GGACT: variants seen among roughly 807,000 people sequenced by gnomAD.
The protein encoded by GGACT is gamma-glutamylamine cyclotransferase, also known as gamma-glutamylaminecyclotransferase.
For synonymous variants in GGACT, 118 were observed against 115.3 expected (o/e 1.02, Z -0.15); for missense variants, 241 against 233.2 (o/e 1.03, Z -0.22).
intron 2 of GGACT, among the ~76,000 whole-genome samples, chr13:100,578,016 A>G (rs1020892370): frequency 1.3e-5 from 2 of 152,194 alleles, no homozygotes; most frequent in Non-Finnish European, 2.9e-5. Flanking sequence ...CACAACTAAA[A>G]TATCAGAAGG....
chr13:100,532,268 C>T lies in GGACT; in HGVS notation c.324G>A (p.Pro108=), dbSNP rs922695581. 6.5e-7 allele frequency: 1 copy of T among 1,531,556 alleles called. No homozygotes were observed. Among genetic ancestry groups the T allele is most frequent in the African/African-American group, 1.4e-5 (1 of 72,716 alleles). 94.9% of individuals were successfully genotyped at this position (1,531,556 alleles called of 1,614,324 possible). Residue 108 remains proline, a synonymous_variant, in exon 3 of 3, where the codon CCG becomes CCA. Transcript: ENST00000683975. ...LEDRAPGAEE[P]PAPTAVQCFV... Reference sequence around the variant, plus strand: ...AGCACTGCACCGCGGTGGGCGCTGGCGGCTCCTCTGCGCCCGGGGCCCGGT... The same window carrying T: ...AGCACTGCACCGCGGTGGGCGCTGGTGGCTCCTCTGCGCCCGGGGCCCGGT...
intron 2 of GGACT, among the ~76,000 whole-genome samples, chr13:100,564,215 C>A (rs184204834): frequency 6.6e-6 from 1 of 152,302 alleles, no homozygotes; most frequent in Admixed American, 6.5e-5. Flanking sequence ...GGTGATTACC[C>A]TTTGGGAAAA....
chr13:100,540,668 G>T (rs1434525205), intron 2 of GGACT, among the ~76,000 whole-genome samples: 2 of 152,058 alleles, frequency 1.3e-5, no homozygotes, highest in African/African-American at 4.8e-5. Flanking sequence ...CTAGCTTTGG[G>T]TTTTGTTTGT....
intron 2 of GGACT, among the ~76,000 whole-genome samples, chr13:100,549,748 G>T (rs1407243796): frequency 6.6e-6 from 1 of 152,122 alleles, no homozygotes; most frequent in Non-Finnish European, 1.5e-5. Flanking sequence ...AGCCAGAGGT[G>T]GCAGATAAAA....
At position 100,532,348 on chromosome 13, in the gene GGACT, C is replaced by G. The variant is rs767501771; in HGVS notation, c.244G>C (p.Glu82Gln). 1.3e-6 allele frequency: 2 copies of G among 1,550,494 alleles called. No individual in the cohort carries two copies. The highest frequency in any genetic ancestry group is 1.7e-6 in the Non-Finnish European group (2 of 1,146,610). ...CGCTGGTACAGGGCCGGGCAACTCT[C>G]GAAGTCATCCAGAAAGCGCAGCATC... Reference protein sequence around the residue: ...ERMLRFLDDFESCPALYQRTV... With the variant: ...ERMLRFLDDFQSCPALYQRTV... Residue 82 changes from glutamate to glutamine, a missense_variant, in exon 3 of 3, where the codon GAG (glutamate) becomes CAG (glutamine). Physicochemically the swap from Glu to Gln is conservative, Grantham distance 29 (BLOSUM62 2). Transcript: ENST00000683975.
chr13:100,559,430 A>AC, intron 2 of GGACT, among the ~76,000 whole-genome samples: 1 of 151,848 alleles, frequency 6.6e-6, no homozygotes, highest in South Asian at 2.1e-4. Context: ...CAGGTGATCT[A>AC]CCCCCCTCGG....
At chr13:100,533,984 A>G (rs1449711831) in intron 2 of GGACT, among the ~76,000 whole-genome samples, 2 of 152,238 alleles carry the variant, frequency 1.3e-5, no homozygotes, top group African/African-American at 4.8e-5. Context: ...GCTATCCAGG[A>G]AACAGCAGCG....
intron 1 of GGACT, among the ~76,000 whole-genome samples, chr13:100,585,404 G>A (rs1487988772): frequency 6.6e-6 from 1 of 152,182 alleles, no homozygotes; most frequent in African/African-American, 2.4e-5. Context: ...AGAGACCATA[G>A]GGCCTGCAAA....
intron 2 of GGACT, among the ~76,000 whole-genome samples, chr13:100,555,727 A>C (rs867404986): frequency 1.1e-4 from 16 of 152,162 alleles, no homozygotes; most frequent in African/African-American, 1.7e-4. Context: ...ATAAACATAA[A>C]TGTAAGAGTC....
chr13:100,555,541 A>T (rs898450462), intron 2 of GGACT, among the ~76,000 whole-genome samples: 3 of 151,770 alleles, frequency 2.0e-5, no homozygotes, highest in Non-Finnish European at 4.4e-5. Flanking sequence ...GGTTTTTTTT[A>T]AAAAGAAAAA....
intron 2 of GGACT, among the ~76,000 whole-genome samples, chr13:100,566,809 C>T (rs567797028): frequency 1.2e-4 from 18 of 152,350 alleles, no homozygotes; most frequent in African/African-American, 3.1e-4. Flanking sequence ...ACTAAGTTTA[C>T]CACCTTCTCG....
intron 2 of GGACT, among the ~76,000 whole-genome samples, chr13:100,549,907 A>C (rs557499708): frequency 2.0e-5 from 3 of 152,228 alleles, no homozygotes; most frequent in Non-Finnish European, 4.4e-5. Context: ...AAAAGCATAG[A>C]ATTCAAAATT....
At chr13:100,537,849 A>G (rs985791898) in intron 2 of GGACT, 1 of 152,338 alleles carries the variant, frequency 6.6e-6, no homozygotes, top group Non-Finnish European at 1.5e-5. Context: ...GGTACTCAGC[A>G]CGCAATGGTC....
intron 2 of GGACT, among the ~76,000 whole-genome samples, chr13:100,556,170 C>CAGAA (rs1386552159): frequency 6.6e-6 from 1 of 152,194 alleles, no homozygotes; most frequent in Non-Finnish European, 1.5e-5. Flanking sequence ...GCATACACTT[C>CAGAA]AGAAAGAAAG....
At chr13:100,571,857 C>A (rs1166942690) in intron 2 of GGACT, among the ~76,000 whole-genome samples, 2 of 152,168 alleles carry the variant, frequency 1.3e-5, no homozygotes, top group Non-Finnish European at 2.9e-5. Context: ...GGATAAATCA[C>A]AGAACTACAA....
At chr13:100,540,331 T>G (rs1182602996) in intron 2 of GGACT, 1 of 748,592 alleles carries the variant, frequency 1.3e-6, no homozygotes, top group Non-Finnish European at 2.4e-6. Flanking sequence ...TTACTAGTTG[T>G]AGGTCTGTTC....
intron 2 of GGACT, among the ~76,000 whole-genome samples, chr13:100,572,398 G>A (rs192736342): frequency 1.4e-4 from 22 of 152,278 alleles, no homozygotes; most frequent in Non-Finnish European, 2.9e-4. Flanking sequence ...GCTGGGGGAC[G>A]GGGAAAATGG....
At chr13:100,572,016 T>G (rs1875096762) in intron 2 of GGACT, among the ~76,000 whole-genome samples, 1 of 152,226 alleles carries the variant, frequency 6.6e-6, no homozygotes, top group Non-Finnish European at 1.5e-5. Flanking sequence ...ATTATGAAAT[T>G]TAACCTTTTG....
In GGACT at chr13:100,530,282, G is replaced by A. The variant is rs886049929; in HGVS notation, c.*1848C>T. The A allele has an allele frequency of 2.5e-4, 213 of 846,058 alleles. 2 individuals carry two copies. Among genetic ancestry groups the A allele is most frequent in the East Asian group, 3.9e-4 (15 of 38,870 alleles). 52.4% of individuals were successfully genotyped at this position (846,058 alleles called of 1,614,324 possible). Reference sequence around the variant, plus strand: ...ACCCCTGTGCAGCTACGTTTACGTCGTCATTTATTCCACAGAGTCAAGACC... The same window carrying A: ...ACCCCTGTGCAGCTACGTTTACGTCATCATTTATTCCACAGAGTCAAGACC... On this transcript the variant is annotated 3_prime_UTR_variant, in exon 3 of 3. Transcript: ENST00000683975.
Sources: gnomAD v4.1 joint callset for allele counts (sites outside exome capture counted in the v4.1 genomes callset) on GRCh38, gnomAD v4.1.1 for gene constraint, MANE v1.5 for transcripts, NCBI Gene and HGNC (gene_info 2026-07-23, HGNC 2026-07-21) for gene names.